ENOSF1: variants seen among roughly 807,000 people sequenced by gnomAD.
ENOSF1 encodes the protein mitochondrial enolase superfamily member 1.
A neutral mutation model predicts 68.2 loss-of-function variants in ENOSF1; 73 were observed. The observed-to-expected ratio is 1.07, with a 90% CI of 0.89 to 1.30. ENOSF1 has a LOEUF of 1.30. Among genes scored for constraint, ENOSF1 ranks in the 50% most tolerant of loss-of-function variants. ENOSF1 has a pLI of 0.00. For missense variants in ENOSF1, 589 were observed against 554.5 expected (o/e 1.06, Z -0.62); for synonymous variants, 223 against 210.4 (o/e 1.06, Z -0.52).
chr18:707,592 T>C (rs564369684), intron 1 of ENOSF1: 2 of 152,302 alleles, frequency 1.3e-5, no homozygotes, highest in East Asian at 1.9e-4. Flanking sequence ...CATGGAATAA[T>C]GGAGACTCCA....
At chr18:693,045 G>A in intron 5 of ENOSF1, 1 of 1,274,204 alleles carries the variant, frequency 7.8e-7, no homozygotes, top group Non-Finnish European at 1.0e-6. Flanking sequence ...GAGTGGGGAA[G>A]TCACATGCTC....
downstream of ENOSF1, among the ~76,000 whole-genome samples, chr18:667,005 T>TGATGGA (rs1200417916): frequency 2.0e-4 from 1 of 5,004 alleles, no homozygotes; most frequent in Non-Finnish European, 4.1e-4. Context: ...ATGGAGATGG[T>TGATGGA]GATGGTGATG....
chr18:670,619 C>CTGTT lies in ENOSF1; in HGVS notation c.*3682_*3685dup. The CTGTT allele has an allele frequency of 6.5e-7, 1 of 1,536,256 alleles. No homozygotes were observed. Among genetic ancestry groups the CTGTT allele is most frequent in the Non-Finnish European group, 8.9e-7 (1 of 1,126,702 alleles). ...ATATGAGTTGGCTTCTGTTTCTCTCCTGTTTTACTTTGCCTTTAGCTGTGG... is the reference window on the plus strand; with the variant it reads ...ATATGAGTTGGCTTCTGTTTCTCTCCTGTTTGTTTTACTTTGCCTTTAGCTGTGG... On this transcript the variant is annotated 3_prime_UTR_variant, in exon 16 of 16. Transcript: ENST00000647584.
intron 5 of ENOSF1, chr18:693,372 G>GT: frequency 8.5e-7 from 1 of 1,173,586 alleles, no homozygotes; most frequent in South Asian, 1.7e-5. Context: ...CCTGAGTGCA[G>GT]TGGTGCAATT....
intron 8 of ENOSF1, 127 bp downstream of exon 8, chr18:690,422 G>T: frequency 9.6e-7 from 1 of 1,043,490 alleles, no homozygotes; most frequent in Non-Finnish European, 1.5e-6. Context: ...TGGTTGGCGT[G>T]AGAAGGAAAA....
Position 691,067 on chromosome 18 carries a change from C to G in ENOSF1, c.535+1G>C. On this transcript the variant is annotated splice_donor_variant, in intron 7 of 15. Transcript: ENST00000647584. LOFTEE classifies it high-confidence loss of function. ...ATGAAGAAAATTTTCTTACAACCCA[C>G]CTCTTTCTTTTTTACCAATTTGACC... 1 of 1,614,174 alleles carries G rather than the reference C, an allele frequency of 6.2e-7. No homozygotes were observed. The highest frequency in any genetic ancestry group is 8.5e-7 in the Non-Finnish European group (1 of 1,180,010).
chr18:681,674 T>C (rs1216265256), intron 11 of ENOSF1, among the ~76,000 whole-genome samples: 1 of 152,120 alleles, frequency 6.6e-6, no homozygotes, highest in Non-Finnish European at 1.5e-5. Flanking sequence ...GGCTTAGCTT[T>C]CCTTATGGAG....
At chr18:709,106 C>T (rs1193210722) in intron 1 of ENOSF1, among the ~76,000 whole-genome samples, 2 of 152,144 alleles carry the variant, frequency 1.3e-5, no homozygotes, top group Non-Finnish European at 2.9e-5. Context: ...CCGATTTAGA[C>T]AAACTGCGTT....
chr18:676,606 T>G (rs903737947), intron 14 of ENOSF1, among the ~76,000 whole-genome samples: 21 of 152,222 alleles, frequency 1.4e-4, no homozygotes, highest in Non-Finnish European at 2.8e-4. Context: ...ACCTCTTTTC[T>G]TTATAAATTA....
rs1309222839 is a variant in ENOSF1 at position 674,257 on chromosome 18, T to C, written c.*48A>G. The C allele has an allele frequency of 2.3e-6, 3 of 1,296,294 alleles. No individual in the cohort carries two copies. Among genetic ancestry groups the C allele is most frequent in the Non-Finnish European group, 3.3e-6 (3 of 917,442 alleles). The allele number at this position is 1,296,294 out of a possible 1,614,324, so 80.3% of individuals were successfully genotyped here. A position where few individuals can be genotyped will look rare whatever the true frequency, so the allele number is the denominator to read the frequency against. ...TTTTGTAAAACTATTTCCAAGAAAT[T>C]TTAAGCCCTTTCACTTCAGAAAGAA... On this transcript the variant is annotated 3_prime_UTR_variant, in exon 16 of 16. Coordinates refer to ENST00000647584, the MANE Select transcript of ENOSF1 (RefSeq NM_017512.7).
chr18:684,051 T>C (rs1385869198), intron 10 of ENOSF1, among the ~76,000 whole-genome samples: 3 of 151,634 alleles, frequency 2.0e-5, no homozygotes, highest in Non-Finnish European at 4.4e-5. Flanking sequence ...TGGAGTGCAG[T>C]GGCGCTATCT....
chr18:712,618 T>A lies in ENOSF1; in HGVS notation c.-31A>T. On this transcript the variant is annotated 5_prime_UTR_variant, in exon 1 of 16. Transcript: ENST00000647584. ...CTGCGCCCCGTGGCCGCGGCCCCCGTGCGGTCAGGACTGGTCGGGATCCCG... is the reference window on the plus strand; with the variant it reads ...CTGCGCCCCGTGGCCGCGGCCCCCGAGCGGTCAGGACTGGTCGGGATCCCG... The A allele has an allele frequency of 1.6e-6, 2 of 1,289,236 alleles. No homozygotes were observed. The highest frequency in any genetic ancestry group is 4.7e-5 in the Admixed American group (2 of 43,010). 79.9% of individuals were successfully genotyped at this position (1,289,236 alleles called of 1,614,324 possible).
chr18:693,353 GCT>G (rs2077397770), intron 5 of ENOSF1: 19 of 1,194,712 alleles, frequency 1.6e-5, no homozygotes, highest in Non-Finnish European at 1.8e-5. Flanking sequence ...ACAGGGTCTT[GCT>G]CTGTCACCTG....
downstream of ENOSF1, chr18:667,617 G>GGAGATGGAGATGGAGAT (rs201838394): frequency 6.4e-5 from 3 of 46,618 alleles, no homozygotes; most frequent in Non-Finnish European, 1.3e-4. Context: ...TGATGGAGAT[G>GGAGATGGAGATGGAGAT]GGTGATGGTG....
intron 11 of ENOSF1, 92 bp from the exon 12 acceptor site, chr18:678,829 G>C: frequency 7.1e-7 from 1 of 1,399,662 alleles, no homozygotes; most frequent in Non-Finnish European, 1.0e-6. Context: ...AGGAGGAAAC[G>C]GCCCTGCTGT....
Position 704,508 on chromosome 18 carries a change from A to C in ENOSF1, c.193+1962T>G, listed in dbSNP as rs941837908. 3.1e-4 allele frequency among the ~76,000 whole-genome samples: 47 copies of C among 151,396 alleles called. 1 individual carries two copies. The highest frequency in any genetic ancestry group is 4.9e-4 in the Non-Finnish European group (33 of 67,846). ...GTAAAACTTGTACATAGTTTTAAAA[A>C]ACAGTAATTCTCAGACTGCACTATG... On this transcript the variant is annotated intron_variant, in intron 2 of 15. Transcript: ENST00000647584.
chr18:704,440 G>GAACA (rs1342421871), intron 2 of ENOSF1, among the ~76,000 whole-genome samples: 20 of 97,240 alleles, frequency 2.1e-4, no homozygotes, highest in African/African-American at 7.2e-4. Context: ...AAAAAGAAAA[G>GAACA]AAAAAAAAAA....
chr18:683,647 G>GGGCCA (rs1481925877), intron 10 of ENOSF1, among the ~76,000 whole-genome samples: 1 of 152,078 alleles, frequency 6.6e-6, no homozygotes, highest in African/African-American at 2.4e-5. Context: ...GCCCTGGGCT[G>GGGCCA]GGCCATGAGA....
chr18:676,923 A>C (rs752635424), intron 14 of ENOSF1, among the ~76,000 whole-genome samples: 9 of 152,270 alleles, frequency 5.9e-5, no homozygotes, highest in Admixed American at 1.3e-4. Flanking sequence ...CTACGTGTGC[A>C]GATGACTGGA....
Sources: gnomAD v4.1 joint callset for allele counts (sites outside exome capture counted in the v4.1 genomes callset) on GRCh38, gnomAD v4.1.1 for gene constraint, MANE v1.5 for transcripts, NCBI Gene and HGNC (gene_info 2026-07-23, HGNC 2026-07-21) for gene names.